Variants in SLK observed in about 807,000 individuals in gnomAD.
SLK encodes STE20-like serine/threonine-protein kinase.
In SLK, 67 loss-of-function variants were observed where a neutral mutation model predicts 147.7. The ratio of observed to expected loss-of-function variants is 0.45; its 90% CI spans 0.37 to 0.56. The LOEUF is 0.56. Among genes scored for constraint, SLK ranks in the 20% least tolerant of loss-of-function variants. SLK has a pLI of 0.00. For synonymous variants in SLK, 441 were observed against 475.0 expected (o/e 0.93, Z 0.93); for missense variants, 1,136 against 1,438.8 (o/e 0.79, Z 3.41).
intron 18 of SLK, 57 bp from the exon 19 acceptor site, chr10:104,025,517 A>T: frequency 6.5e-7 from 1 of 1,530,786 alleles, no homozygotes; most frequent in Admixed American, 1.9e-5. Flanking sequence ...GGCTGTCAGC[A>T]TAAATTCTAT....
rs781410976 is a variant in SLK, at chr10:104,025,687, T to C, written c.3675T>C (p.Tyr1225=). 1 of 1,614,148 alleles carries C rather than the reference T, an allele frequency of 6.2e-7. No individual in the cohort carries two copies. The highest frequency in any genetic ancestry group is 8.5e-7 in the Non-Finnish European group (1 of 1,179,996). ...CACAGAGCCGGATTTCCAAATTTTA[T>C]CCTATTCCCAGCTTGCATTCCACCG... The part of the protein sequence containing the change: ...PSTQSRISKF[Y]PIPSLHSTGS The change falls in exon 19 of 19, where the codon TAT becomes TAC. Residue 1225 remains tyrosine (Y), a synonymous_variant. Coordinates refer to ENST00000369755, the MANE Select transcript of SLK (RefSeq NM_014720.4).
At position 104,001,453 on chromosome 10, in the gene SLK, G is replaced by T; in HGVS notation, c.874G>T (p.Val292Phe). Residue 292 changes from valine (V) to phenylalanine (F), a missense_variant, in exon 8 of 19, where the codon GTT (valine) becomes TTT (phenylalanine). By Grantham distance (50) the Val-to-Phe change is conservative. This residue lies in a region of SLK where 141 missense variants were observed against 219.3 expected (regional missense o/e 0.64). Transcript: ENST00000369755. ...TTSQLLQHPF[V>F]TVDSNKPIRE... is the part of the protein sequence containing the mutation. ...TTTTAATGATCAACAGCATCCCTTT[G>T]TTACTGTTGATTCCAACAAACCCAT... The T allele has an allele frequency of 6.2e-7, 1 of 1,613,868 alleles. No homozygotes were observed. Among genetic ancestry groups the T allele is most frequent in the Non-Finnish European group, 8.5e-7 (1 of 1,179,836 alleles).
chr10:104,005,066 G>A (rs1844305964), intron 9 of SLK, among the ~76,000 whole-genome samples: 2 of 151,856 alleles, frequency 1.3e-5, no homozygotes, highest in Non-Finnish European at 2.9e-5. Context: ...AATTACCTGA[G>A]AGCTTTTTCA....
In SLK at chr10:103,998,878, C is replaced by T. The variant is rs1296785124; in HGVS notation, c.515-21C>T. On this transcript the variant is annotated intron_variant, in intron 4 of 18. Transcript: ENST00000369755. Reference sequence around the variant, plus strand: ...CAATGCTTAAAAGTTCTCATTAATGCTTTTGTGTGATTATTTCAAGCGGAT... The same window carrying T: ...CAATGCTTAAAAGTTCTCATTAATGTTTTTGTGTGATTATTTCAAGCGGAT... The T allele has an allele frequency of 1.9e-6, 3 of 1,583,448 alleles. No individual in the cohort carries two copies. In the South Asian group the frequency reaches 3.3e-5, roughly 18 times the overall value.
chr10:103,992,645 T>G lies in SLK; in HGVS notation c.363T>G (p.Leu121=), dbSNP rs931810720. ...GTGGAGCAGTAGATGCTGTGATGCT[T>G]GGTAAATACCTTTTTGTTCTTTCTG... ...CAGGAVDAVM[L]ELERPLTESQ... is the part of the protein sequence containing the mutation. Residue 121 remains leucine (L), a splice_region_variant and synonymous_variant, in exon 3 of 19, where the codon CTT becomes CTG. Transcript: ENST00000369755. 1 of 1,604,134 alleles carries G rather than the reference T, an allele frequency of 6.2e-7. No individual in the cohort carries two copies. Among genetic ancestry groups the G allele is most frequent in the African/African-American group, 1.3e-5 (1 of 74,698 alleles).
chr10:103,988,985 C>T (rs529826091), intron 1 of SLK, among the ~76,000 whole-genome samples: 1 of 152,028 alleles, frequency 6.6e-6, no homozygotes, highest in African/African-American at 2.4e-5. Context: ...AAATGCTGTC[C>T]CCTATGTATA....
At chr10:104,022,115 A>G (rs1276193677) in intron 18 of SLK, among the ~76,000 whole-genome samples, 2 of 152,076 alleles carry the variant, frequency 1.3e-5, no homozygotes, top group Non-Finnish European at 2.9e-5. Flanking sequence ...GGATGATTTG[A>G]GTAGGGAGAA....
chr10:104,017,129 T>C (rs1412385054), intron 13 of SLK, among the ~76,000 whole-genome samples: 1 of 152,242 alleles, frequency 6.6e-6, no homozygotes, highest in Non-Finnish European at 1.5e-5. Flanking sequence ...GATGTTTTTC[T>C]AAAGCAGAAA....
intron 4 of SLK, among the ~76,000 whole-genome samples, chr10:103,995,956 A>G (rs1008554782): frequency 6.6e-6 from 1 of 152,176 alleles, no homozygotes; most frequent in African/African-American, 2.4e-5. Flanking sequence ...CCTTTCTTCT[A>G]TGTTGAGAGT....
intron 1 of SLK, among the ~76,000 whole-genome samples, chr10:103,976,507 A>T (rs891329279): frequency 1.3e-5 from 2 of 152,000 alleles, no homozygotes; most frequent in Non-Finnish European, 2.9e-5. Flanking sequence ...ATGACTAATG[A>T]AGTTGAGTGC....
At chr10:104,007,488 A>G (rs998916864) in intron 11 of SLK, among the ~76,000 whole-genome samples, 5 of 152,070 alleles carry the variant, frequency 3.3e-5, no homozygotes, top group African/African-American at 4.8e-5. Flanking sequence ...CATGCCTGTA[A>G]TTCCAGCTAC....
chr10:103,984,008 C>A lies in SLK; in HGVS notation c.151-6667C>A, dbSNP rs188630712. ...TGGTAGCTTTTGCCTGTAGTTGTTA[C>A]CTCCCTGATCCTTTGTATTATTTTT... is the stretch of plus-strand genomic sequence containing the variant. On this transcript the variant is annotated intron_variant, in intron 1 of 18. Transcript: ENST00000369755. 9.9e-5 allele frequency among the ~76,000 whole-genome samples: 15 copies of A among 152,278 alleles called. 1 individual carries two copies. The South Asian group carries it at 2.9e-3, about 29-fold the overall frequency.
chr10:104,025,905 A>G lies in SLK; in HGVS notation c.*185A>G. 1 of 515,182 alleles carries G rather than the reference A, an allele frequency of 1.9e-6. No individual in the cohort carries two copies. The highest frequency in any genetic ancestry group is 3.6e-4 in the Middle Eastern group (1 of 2,784). 31.9% of individuals were successfully genotyped at this position (515,182 alleles called of 1,614,324 possible). A position where few individuals can be genotyped will look rare whatever the true frequency, so the allele number is the denominator to read the frequency against. ...AAAGATGAAGGGAAAACGAACTAAG[A>G]CAGACGCTAGGCCATGTTGGCAAAG... On this transcript the variant is annotated 3_prime_UTR_variant, in exon 19 of 19. Transcript: ENST00000369755.
At chr10:103,973,357 C>T (rs1206760999) in intron 1 of SLK, among the ~76,000 whole-genome samples, 1 of 152,172 alleles carries the variant, frequency 6.6e-6, no homozygotes, top group Non-Finnish European at 1.5e-5. Flanking sequence ...TCTCCGTTCT[C>T]TTCATTGATC....
intron 11 of SLK, 119 bp downstream of exon 11, chr10:104,006,154 T>C (rs998266564): frequency 4.2e-5 from 43 of 1,026,306 alleles, no homozygotes; most frequent in Non-Finnish European, 5.5e-5. Context: ...CAGATTTCTC[T>C]AGCTTTGTGA....
At chr10:104,024,586 A>G (rs1282493496) in intron 18 of SLK, among the ~76,000 whole-genome samples, 2 of 151,948 alleles carry the variant, frequency 1.3e-5, no homozygotes, top group African/African-American at 4.8e-5. Context: ...TGCCTTCCCT[A>G]TGCTCCCTAT....
At chr10:104,018,697 A>T (rs1043908420) in intron 14 of SLK, 87 bp from the exon 15 acceptor site, 7 of 1,362,800 alleles carry the variant, frequency 5.1e-6, no homozygotes, top group Middle Eastern at 3.7e-4. Context: ...TGTATTTAGA[A>T]TACTTCTATG....
At position 104,028,983 on chromosome 10, in the gene SLK, T is replaced by C. The variant is rs1299604053; in HGVS notation, c.*3263T>C. 1 of 152,256 alleles carries C rather than the reference T, an allele frequency of 6.6e-6. No individual in the cohort carries two copies. The allele number at this position is 152,256 out of a possible 1,614,324, so 9.4% of individuals were successfully genotyped here. ...CAACAGTTAATGGCTGTATTGTTGC[T>C]ATTCCGTTGCTGACATGTTTTTGAT... is the stretch of plus-strand genomic sequence containing the variant. On this transcript the variant is annotated 3_prime_UTR_variant, in exon 19 of 19. Transcript: ENST00000369755.
chr10:104,018,411 A>G, intron 14 of SLK, 122 bp downstream of exon 14: 1 of 914,358 alleles, frequency 1.1e-6, no homozygotes. Context: ...AATATATCTG[A>G]ATAATTTTGT....
Sources: gnomAD v4.1 joint callset for allele counts (sites outside exome capture counted in the v4.1 genomes callset) on GRCh38, gnomAD v4.1.1 for gene constraint, gnomAD v4.1.1 regional missense constraint, MANE v1.5 for transcripts, NCBI Gene and HGNC (gene_info 2026-07-23, HGNC 2026-07-21) for gene names.